RBMS3: variants seen among roughly 807,000 people sequenced by gnomAD.
RBMS3 encodes RNA-binding motif, single-stranded-interacting protein 3.
A neutral mutation model predicts 66.8 loss-of-function variants in RBMS3; 27 were observed. The observed-to-expected ratio is 0.40, with a 90% CI of 0.30 to 0.56. The LOEUF is 0.56. Ranked by LOEUF, RBMS3 falls within the 20% of genes least tolerant of loss-of-function variation. The pLI is 0.40. For missense variants in RBMS3, 513 were observed against 549.5 expected (o/e 0.93, Z 0.66); for synonymous variants, 188 against 183.0 (o/e 1.03, Z -0.22).
Position 29,355,653 on chromosome 3 carries a change from TAACAG to T in RBMS3, c.75+73898_75+73902del, listed in dbSNP as rs573516165. 5.9e-5 allele frequency among the ~76,000 whole-genome samples: 9 copies of T among 152,238 alleles called. No individual in the cohort carries two copies. In the South Asian group the frequency reaches 1.9e-3, roughly 32 times the overall value. Reference sequence around the variant, plus strand: ...TCGGAAAGAAATGTATGACTTATTATAACAGCATTTAGTCTTCCAAAATATCAGTG... The same window carrying T: ...TCGGAAAGAAATGTATGACTTATTATCATTTAGTCTTCCAAAATATCAGTG... On this transcript the variant is annotated intron_variant, in intron 1 of 14. Coordinates refer to ENST00000383767, the MANE Select transcript of RBMS3 (RefSeq NM_001003793.3).
rs1297322792 is a variant in RBMS3 at position 30,007,508 on chromosome 3, AT to A, written c.*3647del. ...ACTGTCTCGTCTAAACTCTAGTTTC[AT>A]GGTCAGTGCAACAGTGAGTTTTCTT... On this transcript the variant is annotated 3_prime_UTR_variant, in exon 15 of 15. Transcript: ENST00000383767. The A allele has an allele frequency of 7.2e-5, 11 of 152,154 alleles. No homozygotes were observed. Among genetic ancestry groups the A allele is most frequent in the African/African-American group, 2.6e-4 (11 of 41,534 alleles). 9.4% of individuals were successfully genotyped at this position (152,154 alleles called of 1,614,324 possible).
intron 4 of RBMS3, among the ~76,000 whole-genome samples, chr3:29,684,692 C>T (rs117451514): frequency 0.014 from 2,060 of 151,608 alleles, 29 homozygotes; most frequent in Middle Eastern, 0.041. Context: ...TTTATTTTGC[C>T]ATCAGAAACC....
intron 2 of RBMS3, among the ~76,000 whole-genome samples, chr3:29,441,120 T>TA (rs2041604480): frequency 6.6e-6 from 1 of 152,078 alleles, no homozygotes; most frequent in African/African-American, 2.4e-5. Flanking sequence ...GTCATAAATC[T>TA]ATGTGGTGGC....
chr3:29,952,171 AT>A (rs1695726221), intron 12 of RBMS3, among the ~76,000 whole-genome samples: 1 of 151,738 alleles, frequency 6.6e-6, no homozygotes, highest in South Asian at 2.1e-4. Flanking sequence ...AACCTCTAAC[AT>A]TTTCCCCACC....
Position 29,923,186 on chromosome 3 carries a change from G to A in RBMS3, c.940-12900G>A, listed in dbSNP as rs531201289. Among the ~76,000 whole-genome samples the A allele has an allele frequency of 3.3e-5, 5 of 152,326 alleles. No homozygotes were observed. In the South Asian group the frequency reaches 1.0e-3, roughly 32 times the overall value. ...GAACATGTTTTCAAGGAAGTGATCA[G>A]GGCTGTTTGTTTTTCTTGCTGTTGG... On this transcript the variant is annotated intron_variant, in intron 10 of 14. Transcript: ENST00000383767.
At chr3:29,498,617 C>T (rs9835311) in intron 3 of RBMS3, among the ~76,000 whole-genome samples, 20,062 of 152,054 alleles carry the variant, frequency 0.13, 1,964 homozygotes, top group African/African-American at 0.27. Context: ...ATCTTAGTTT[C>T]CTTGGACAAG....
chr3:29,729,222 A>C (rs926223536), intron 4 of RBMS3, among the ~76,000 whole-genome samples: 1 of 138,924 alleles, frequency 7.2e-6, no homozygotes, highest in African/African-American at 2.7e-5. Flanking sequence ...GTTCCCACCT[A>C]TGAGTGAGAA....
At chr3:29,750,581 CAT>C (rs2055129268) in intron 5 of RBMS3, among the ~76,000 whole-genome samples, 1 of 152,096 alleles carries the variant, frequency 6.6e-6, no homozygotes, top group African/African-American at 2.4e-5. Flanking sequence ...TTCAGGGGCA[CAT>C]GTGCAGGTTC....
intron 4 of RBMS3, among the ~76,000 whole-genome samples, chr3:29,681,009 T>G (rs2051462283): frequency 6.6e-6 from 1 of 152,218 alleles, no homozygotes; most frequent in Admixed American, 6.5e-5. Flanking sequence ...CATTGATGCA[T>G]ACATACTGCT....
At chr3:29,584,079 A>G (rs1415072033) in intron 3 of RBMS3, among the ~76,000 whole-genome samples, 2 of 151,998 alleles carry the variant, frequency 1.3e-5, no homozygotes, top group African/African-American at 4.8e-5. Context: ...CTCTTCAACT[A>G]CTCCAGCAGA....
At chr3:29,970,248 A>G (rs933765049) in intron 12 of RBMS3, among the ~76,000 whole-genome samples, 1 of 152,126 alleles carries the variant, frequency 6.6e-6, no homozygotes, top group Non-Finnish European at 1.5e-5. Flanking sequence ...CTAAACAGAA[A>G]CTAATGTTTT....
chr3:29,546,677 C>G (rs2045962519), intron 3 of RBMS3, among the ~76,000 whole-genome samples: 1 of 152,130 alleles, frequency 6.6e-6, no homozygotes, highest in Non-Finnish European at 1.5e-5. Context: ...GGATGCCTTG[C>G]AAGTGTAAGT....
chr3:29,774,461 G>C (rs940039794), intron 6 of RBMS3, among the ~76,000 whole-genome samples: 4 of 151,860 alleles, frequency 2.6e-5, no homozygotes, highest in South Asian at 2.1e-4. Flanking sequence ...TAAGACAAAG[G>C]GGTTTTAAAA....
chr3:29,537,474 T>G (rs2045604646), intron 3 of RBMS3, among the ~76,000 whole-genome samples: 1 of 152,196 alleles, frequency 6.6e-6, no homozygotes, highest in Non-Finnish European at 1.5e-5. Flanking sequence ...TAGGTGAAAG[T>G]TGTTTCAAAG....
intron 4 of RBMS3, among the ~76,000 whole-genome samples, chr3:29,715,739 A>G (rs2053366268): frequency 6.6e-6 from 1 of 152,158 alleles, no homozygotes; most frequent in Admixed American, 6.6e-5. Context: ...AAAAGCATAG[A>G]GCCTATTCTC....
chr3:29,981,968 T>A (rs1399320804), intron 12 of RBMS3, among the ~76,000 whole-genome samples: 1 of 152,220 alleles, frequency 6.6e-6, no homozygotes, highest in East Asian at 1.9e-4. Flanking sequence ...TCCCTCTTTT[T>A]CTATTGTTTG....
At chr3:29,595,839 G>A (rs2047925896) in intron 4 of RBMS3, among the ~76,000 whole-genome samples, 1 of 152,118 alleles carries the variant, frequency 6.6e-6, no homozygotes. Flanking sequence ...AGGGAGTGCC[G>A]GACAACCATG....
Position 29,468,726 on chromosome 3 carries a change from G to GT in RBMS3, c.249-19707dup, listed in dbSNP as rs555645212. Among the ~76,000 whole-genome samples the GT allele has an allele frequency of 2.8e-4, 42 of 149,930 alleles. No individual in the cohort carries two copies. The South Asian group carries it at 5.5e-3, about 20-fold the overall frequency. On this transcript the variant is annotated intron_variant, in intron 2 of 14. Coordinates refer to ENST00000383767, the MANE Select transcript of RBMS3 (RefSeq NM_001003793.3). ...GGCTTCCTTTTTCTTTTTTCTTTTT[G>GT]TTTTTTTTACTGATGTTTGCTTGAC...
chr3:29,586,039 C>T (rs2047509144), intron 3 of RBMS3, among the ~76,000 whole-genome samples: 1 of 152,062 alleles, frequency 6.6e-6, no homozygotes. Context: ...CACAGTACAC[C>T]TCCTTAGTAG....
Sources: gnomAD v4.1 joint callset for allele counts (sites outside exome capture counted in the v4.1 genomes callset) on GRCh38, gnomAD v4.1.1 for gene constraint, MANE v1.5 for transcripts, NCBI Gene and HGNC (gene_info 2026-07-23, HGNC 2026-07-21) for gene names.